Variants in SND1 observed in about 807,000 individuals in gnomAD.
The protein encoded by SND1 is staphylococcal nuclease and tudor domain containing 1, also known as staphylococcal nuclease domain-containing protein 1.
Under a neutral mutation model 121.7 loss-of-function variants are expected in SND1, and 38 were observed. The observed-to-expected ratio is 0.31, with a 90% CI of 0.24 to 0.41. The LOEUF (loss-of-function observed/expected upper bound fraction) is 0.41. SND1 is among the 10% of genes least tolerant of loss of function. The pLI is 1.00. For synonymous variants in SND1, 401 were observed against 447.4 expected, an observed-to-expected ratio of 0.90 and a Z score of 1.31; for missense variants, 868 against 1,184.6, an observed-to-expected ratio of 0.73 and a Z score of 3.92.
intron 21 of SND1, among the ~76,000 whole-genome samples, chr7:128,088,119 G>A (rs1793714752): frequency 6.6e-6 from 1 of 152,126 alleles, no homozygotes; most frequent in South Asian, 2.1e-4. Context: ...AACAGAAAAT[G>A]CTGAAGGCAA....
intron 16 of SND1, among the ~76,000 whole-genome samples, chr7:128,068,903 G>A (rs2117043508): frequency 6.6e-6 from 1 of 152,336 alleles, no homozygotes; most frequent in Middle Eastern, 3.4e-3. Context: ...GCATATTAAT[G>A]TGCTTGGGAG....
At chr7:127,916,627 C>T (rs924417983) in intron 14 of SND1, among the ~76,000 whole-genome samples, 1 of 152,138 alleles carries the variant, frequency 6.6e-6, no homozygotes, top group Admixed American at 6.5e-5. Flanking sequence ...GACTTTAAAA[C>T]GTTGCCGCCC....
In SND1 at chr7:128,028,857, G is replaced by A. The variant is rs1350989304; in HGVS notation, c.1779+37801G>A. 18 of 1,614,046 alleles carry A rather than the reference G, an allele frequency of 1.1e-5. No individual in the cohort carries two copies. In the Admixed American group the frequency reaches 2.0e-4, roughly 18 times the overall value. Reference sequence around the variant, plus strand: ...GTCATGAATTGTGGGCAGCACTACTGCCCCCTCACCTGATACACCGGACGG... The same window carrying A: ...GTCATGAATTGTGGGCAGCACTACTACCCCCTCACCTGATACACCGGACGG... On this transcript the variant is annotated intron_variant, in intron 16 of 23. Coordinates refer to ENST00000354725, the MANE Select transcript of SND1 (RefSeq NM_014390.4).
chr7:127,893,126 C>A (rs1563049986), intron 13 of SND1, among the ~76,000 whole-genome samples: 1 of 152,082 alleles, frequency 6.6e-6, no homozygotes, highest in African/African-American at 2.4e-5. Context: ...TTACCGGGAC[C>A]CTTTTTACTT....
At chr7:127,909,438 G>T (rs545189718) in intron 14 of SND1, among the ~76,000 whole-genome samples, 2 of 151,394 alleles carry the variant, frequency 1.3e-5, no homozygotes, top group East Asian at 3.9e-4. Flanking sequence ...TTAGAAATAC[G>T]TAGTATTTCT....
At chr7:128,078,382 C>T (rs1793542734) in intron 17 of SND1, among the ~76,000 whole-genome samples, 1 of 152,268 alleles carries the variant, frequency 6.6e-6, no homozygotes, top group South Asian at 2.1e-4. Flanking sequence ...AGACAGCTGT[C>T]TCTCTCCTAC....
At chr7:128,009,549 G>A (rs1480270786) in intron 16 of SND1, among the ~76,000 whole-genome samples, 3 of 152,218 alleles carry the variant, frequency 2.0e-5, no homozygotes, top group Non-Finnish European at 4.4e-5. Flanking sequence ...TGGATATTGA[G>A]CACTTGAAAT....
chr7:128,079,267 A>G (rs962136512), intron 17 of SND1, among the ~76,000 whole-genome samples: 3 of 152,254 alleles, frequency 2.0e-5, no homozygotes, highest in African/African-American at 7.2e-5. Context: ...TTCACAGGGA[A>G]GCCCACAAGC....
At chr7:127,732,254 T>C (rs1221179095) in intron 10 of SND1, among the ~76,000 whole-genome samples, 1 of 152,266 alleles carries the variant, frequency 6.6e-6, no homozygotes, top group Non-Finnish European at 1.5e-5. Context: ...AGTTGTCATC[T>C]GGATTTCTTT....
At chr7:128,019,030 A>G (rs1482262922) in intron 16 of SND1, among the ~76,000 whole-genome samples, 1 of 152,148 alleles carries the variant, frequency 6.6e-6, no homozygotes, top group Non-Finnish European at 1.5e-5. Flanking sequence ...TCAAATGTCC[A>G]TCAGTTTTGT....
intron 14 of SND1, among the ~76,000 whole-genome samples, chr7:127,914,393 A>G (rs1800525289): frequency 1.3e-5 from 2 of 152,124 alleles, no homozygotes; most frequent in Non-Finnish European, 2.9e-5. Flanking sequence ...CTCTTCTTCC[A>G]GGTAATTTCT....
intron 2 of SND1, among the ~76,000 whole-genome samples, chr7:127,693,099 A>T (rs1202009283): frequency 6.6e-6 from 1 of 152,160 alleles, no homozygotes; most frequent in Non-Finnish European, 1.5e-5. Context: ...CTACATCTTA[A>T]ACTTATCTGT....
intron 16 of SND1, among the ~76,000 whole-genome samples, chr7:128,034,807 G>A (rs1486797818): frequency 6.6e-6 from 1 of 152,224 alleles, no homozygotes; most frequent in Admixed American, 6.5e-5. Flanking sequence ...AGGAGGCTGT[G>A]GGGCCGTCGT....
chr7:128,028,675 G>A, intron 16 of SND1: 36 of 1,600,990 alleles, frequency 2.2e-5, no homozygotes, highest in Non-Finnish European at 3.1e-5. Context: ...TTGGGGGAGG[G>A]GAGTCATATT....
intron 2 of SND1, 97 bp from the exon 3 acceptor site, chr7:127,694,731 G>A (rs915200278): frequency 1.4e-6 from 2 of 1,420,550 alleles, no homozygotes; most frequent in Non-Finnish European, 2.0e-6. Flanking sequence ...ACCATGGTAG[G>A]TACTCAGACA....
intron 9 of SND1, chr7:127,718,770 A>C (rs545914077): frequency 2.0e-6 from 2 of 983,844 alleles, no homozygotes; most frequent in East Asian, 1.1e-4. Flanking sequence ...TGTGAGCACT[A>C]TGATACTTTC....
At chr7:128,032,119 A>G (rs1792634953) in intron 16 of SND1, 1 of 151,812 alleles carries the variant, frequency 6.6e-6, no homozygotes, top group Non-Finnish European at 1.5e-5. Context: ...CTGCTGACGC[A>G]TACTGTTCTG....
intron 2 of SND1, among the ~76,000 whole-genome samples, chr7:127,689,079 CCAT>C (rs1354108535): frequency 1.3e-5 from 2 of 152,188 alleles, no homozygotes; most frequent in East Asian, 3.8e-4. Context: ...CACTGGTCCT[CCAT>C]CAGGGACCAC....
chr7:127,890,434 A>C (rs568289267), intron 13 of SND1, among the ~76,000 whole-genome samples: 3 of 152,266 alleles, frequency 2.0e-5, no homozygotes, highest in South Asian at 2.1e-4. Context: ...TTACTAAACT[A>C]TCCATGGGAT....
Sources: gnomAD v4.1 joint callset for allele counts (sites outside exome capture counted in the v4.1 genomes callset) on GRCh38, gnomAD v4.1.1 for gene constraint, MANE v1.5 for transcripts, NCBI Gene and HGNC (gene_info 2026-07-23, HGNC 2026-07-21) for gene names.